Variants in NUBPL observed in about 807,000 individuals in gnomAD.
The protein encoded by NUBPL is iron-sulfur cluster transfer protein NUBPL.
NUBPL carries 31 observed loss-of-function variants against 45.7 expected under a neutral mutation model. The ratio of observed to expected loss-of-function variants is 0.68; its 90% CI spans 0.51 to 0.92. The LOEUF (loss-of-function observed/expected upper bound fraction) is 0.92, where lower values mean the gene tolerates loss of function less well. Among genes scored for constraint, NUBPL ranks in the 40% least tolerant of loss-of-function variants. The probability of loss-of-function intolerance (pLI) is 0.00; values close to 1 mark genes in which losing one functional copy is unlikely to be tolerated. For synonymous variants in NUBPL, 144 were observed against 140.9 expected (o/e 1.02, Z -0.15); for missense variants, 401 against 398.7 (o/e 1.01, Z -0.05).
chr14:31,637,911 G>A (rs150754117), intron 4 of NUBPL, among the ~76,000 whole-genome samples: 4 of 151,954 alleles, frequency 2.6e-5, no homozygotes, highest in African/African-American at 7.3e-5. Context: ...GGATTGCAAC[G>A]CCTGCCTTTT....
chr14:31,806,834 A>G lies in NUBPL; in HGVS notation c.607+18961A>G, dbSNP rs570980007. Among the ~76,000 whole-genome samples, 1,404 of 152,164 alleles carry G rather than the reference A, an allele frequency of 9.2e-3. 11 individuals carry two copies. The highest frequency in any genetic ancestry group is 0.02 in the Middle Eastern group (6 of 294). On this transcript the variant is annotated intron_variant, in intron 7 of 10. Coordinates refer to ENST00000281081, the MANE Select transcript of NUBPL (RefSeq NM_025152.3). ...CCCCACCCTGTGTCCAAGTGTTCTC[A>G]TTGTTCAATTCCCACCTATCAGTGA...
chr14:31,616,804 T>G (rs539419694), intron 4 of NUBPL, among the ~76,000 whole-genome samples: 22 of 152,224 alleles, frequency 1.4e-4, no homozygotes, highest in African/African-American at 4.8e-4. Flanking sequence ...TTCTAATTCT[T>G]TGAAGAAAGT....
At chr14:31,680,351 A>G (rs776071499) in intron 6 of NUBPL, among the ~76,000 whole-genome samples, 24 of 152,170 alleles carry the variant, frequency 1.6e-4, no homozygotes, top group Non-Finnish European at 2.5e-4. Flanking sequence ...GCTATGAAAG[A>G]TGATAGCTGT....
chr14:31,846,553 C>A lies in NUBPL; in HGVS notation c.776C>A (p.Ala259Glu). ...ACTCATATTTTTGGTGCTGATGGTG[C>A]AAGGAAACTAGCACAGACCCTTGGT... ...HKTHIFGADG[A>E]RKLAQTLGLE... The change falls in exon 9 of 11, where the codon GCA becomes GAA. Residue 259 changes from alanine to glutamate, a missense_variant. Ala to Glu is a moderately radical substitution (Grantham distance 107). Coordinates refer to ENST00000281081, the MANE Select transcript of NUBPL (RefSeq NM_025152.3). 6.2e-7 allele frequency: 1 copy of A among 1,613,500 alleles called. No homozygotes were observed. Among genetic ancestry groups the A allele is most frequent in the Admixed American group, 1.7e-5 (1 of 59,966 alleles).
At chr14:31,633,217 C>A (rs890131275) in intron 4 of NUBPL, among the ~76,000 whole-genome samples, 1 of 152,184 alleles carries the variant, frequency 6.6e-6, no homozygotes, top group African/African-American at 2.4e-5. Context: ...TACCTCTCTG[C>A]AGCAGTATCT....
intron 4 of NUBPL, among the ~76,000 whole-genome samples, chr14:31,624,278 T>A (rs1250084197): frequency 6.6e-6 from 1 of 152,160 alleles, no homozygotes; most frequent in African/African-American, 2.4e-5. Flanking sequence ...ATATTATCCA[T>A]CAGGATAGAG....
chr14:31,720,923 A>G (rs927441926), intron 6 of NUBPL, among the ~76,000 whole-genome samples: 1 of 152,188 alleles, frequency 6.6e-6, no homozygotes, highest in Non-Finnish European at 1.5e-5. Flanking sequence ...CTTACAATGA[A>G]CCATTTAAAG....
chr14:31,860,549 C>T lies in NUBPL; in HGVS notation c.*1369C>T, dbSNP rs1363990967. On this transcript the variant is annotated 3_prime_UTR_variant, in exon 11 of 11. Coordinates refer to ENST00000281081, the MANE Select transcript of NUBPL (RefSeq NM_025152.3). ...AGCTGCAAGTACTGATAAGTGTGAG[C>T]CATTAGTTAATTCGCATTTATAAAG... The T allele has an allele frequency of 6.6e-6, 1 of 152,072 alleles. No homozygotes were observed. Among genetic ancestry groups the T allele is most frequent in the Admixed American group, 6.6e-5 (1 of 15,264 alleles). 9.4% of individuals were successfully genotyped at this position (152,072 alleles called of 1,614,324 possible). A position where few individuals can be genotyped will look rare whatever the true frequency, so the allele number is the denominator to read the frequency against.
chr14:31,701,977 T>A (rs963994232), intron 6 of NUBPL, among the ~76,000 whole-genome samples: 7 of 152,178 alleles, frequency 4.6e-5, no homozygotes, highest in African/African-American at 1.7e-4. Flanking sequence ...AAGAGCATAG[T>A]CCCCATGAGA....
intron 4 of NUBPL, among the ~76,000 whole-genome samples, chr14:31,628,560 A>G (rs1207336786): frequency 6.6e-6 from 1 of 152,132 alleles, no homozygotes; most frequent in Non-Finnish European, 1.5e-5. Flanking sequence ...AGTATTTCCA[A>G]CTGTGTTCTT....
chr14:31,721,708 T>A (rs974694395), intron 6 of NUBPL, among the ~76,000 whole-genome samples: 3 of 152,044 alleles, frequency 2.0e-5, no homozygotes, highest in African/African-American at 7.2e-5. Context: ...TTGTACAGAT[T>A]ATTTTGTCAC....
rs1566533850 is a variant in NUBPL, at chr14:31,739,254, T to TA, written c.514-48526_514-48525insA. ...TATATTATATTCTATATATATATAT[T>TA]TTTTTTTTTTAGTAGAGATGGGGTT... On this transcript the variant is annotated intron_variant, in intron 6 of 10. Coordinates refer to ENST00000281081, the MANE Select transcript of NUBPL (RefSeq NM_025152.3). 8.6e-4 allele frequency among the ~76,000 whole-genome samples: 87 copies of TA among 100,818 alleles called. 1 individual carries two copies. Among genetic ancestry groups the TA allele is most frequent in the African/African-American group, 2.3e-3 (37 of 16,150 alleles). 66.1% of individuals were successfully genotyped at this position (100,818 alleles called of 152,430 possible).
intron 8 of NUBPL, among the ~76,000 whole-genome samples, chr14:31,834,458 C>T (rs574908656): frequency 5.6e-4 from 85 of 152,182 alleles, no homozygotes; most frequent in African/African-American, 1.5e-3. Context: ...GGATTACAGG[C>T]GTGAGCCACT....
At chr14:31,641,108 C>T (rs550582767) in intron 4 of NUBPL, among the ~76,000 whole-genome samples, 5 of 151,910 alleles carry the variant, frequency 3.3e-5, no homozygotes, top group Non-Finnish European at 5.9e-5. Context: ...TGCACCACCA[C>T]GCCCAGCTAA....
chr14:31,651,333 G>T (rs369616966), intron 4 of NUBPL, among the ~76,000 whole-genome samples: 26 of 152,072 alleles, frequency 1.7e-4, no homozygotes, highest in African/African-American at 4.3e-4. Context: ...CAAGGTGCTG[G>T]CATTACAGGA....
intron 3 of NUBPL, among the ~76,000 whole-genome samples, chr14:31,582,386 C>CTTT (rs57392617): frequency 9.4e-5 from 13 of 138,946 alleles, no homozygotes; most frequent in Non-Finnish European, 1.4e-4. Context: ...AATTTGTGTA[C>CTTT]TTTTTTTTTT....
intron 7 of NUBPL, among the ~76,000 whole-genome samples, chr14:31,813,912 CT>C (rs2039865463): frequency 6.6e-6 from 1 of 152,180 alleles, no homozygotes; most frequent in African/African-American, 2.4e-5. Flanking sequence ...ATATGTGCCA[CT>C]TTTTCTTATC....
At chr14:31,698,307 C>T (rs1299694439) in intron 6 of NUBPL, among the ~76,000 whole-genome samples, 2 of 150,850 alleles carry the variant, frequency 1.3e-5, no homozygotes, top group Non-Finnish European at 2.9e-5. Flanking sequence ...ATTGTATTCC[C>T]ATCTTTGCCG....
intron 6 of NUBPL, among the ~76,000 whole-genome samples, chr14:31,762,020 A>G (rs1054473372): frequency 6.6e-6 from 1 of 152,190 alleles, no homozygotes; most frequent in East Asian, 1.9e-4. Context: ...TTTTCAACAG[A>G]AACATATCAG....
Sources: gnomAD v4.1 joint callset for allele counts (sites outside exome capture counted in the v4.1 genomes callset) on GRCh38, gnomAD v4.1.1 for gene constraint, MANE v1.5 for transcripts, NCBI Gene and HGNC (gene_info 2026-07-23, HGNC 2026-07-21) for gene names.